Variants in PLCE1 observed in about 807,000 individuals in gnomAD.
PLCE1 encodes phospholipase C epsilon 1.
A neutral mutation model predicts 242.8 loss-of-function variants in PLCE1; 119 were observed. The ratio of observed to expected loss-of-function variants is 0.49; its 90% CI spans 0.42 to 0.57. PLCE1 has a LOEUF of 0.57. Among genes scored for constraint, PLCE1 ranks in the 20% least tolerant of loss-of-function variants. PLCE1 has a pLI of 0.00. For missense variants in PLCE1, 2,441 were observed against 2,788.8 expected (o/e 0.88, Z 2.81); for synonymous variants, 945 against 1,017.4 (o/e 0.93, Z 1.35).
intron 3 of PLCE1, chr10:94,155,631 G>GT (rs2047409294): frequency 6.6e-6 from 1 of 151,310 alleles, no homozygotes; most frequent in Non-Finnish European, 1.5e-5. Context: ...TTTTGTTCTT[G>GT]TTTTTTAAAA....
At chr10:94,201,520 G>A (rs2136772715) in intron 4 of PLCE1, among the ~76,000 whole-genome samples, 2 of 152,324 alleles carry the variant, frequency 1.3e-5, no homozygotes, top group Admixed American at 1.3e-4. Context: ...CTGTCACCCA[G>A]GCTGGAGTGC....
At chr10:94,131,670 A>T (rs1262550193) in intron 2 of PLCE1, among the ~76,000 whole-genome samples, 2 of 152,186 alleles carry the variant, frequency 1.3e-5, no homozygotes, top group Non-Finnish European at 2.9e-5. Context: ...TGACAGTTTG[A>T]AGGATTATGC....
chr10:94,262,511 G>A lies in PLCE1; in HGVS notation c.3832G>A (p.Val1278Ile), dbSNP rs754487813. 1.9e-6 allele frequency: 3 copies of A among 1,612,616 alleles called. No individual in the cohort carries two copies. The highest frequency in any genetic ancestry group is 2.5e-6 in the Non-Finnish European group (3 of 1,178,772). ...QPDLDLLTRN[V>I]SDLGLFIKSK... is the part of the protein sequence containing the mutation. ...TGTTTCAGATCTGTTGACCAGAAAT[G>A]TCTCGGATTTGGGGTTGTTCATTAA... Residue 1278 changes from valine to isoleucine, a missense_variant, in exon 14 of 33, where the codon GTC becomes ATC. Around this residue, in one of 5 missense-constraint regions of PLCE1, gnomAD observed 1,004 missense variants for 1,322.7 expected, o/e 0.76. Coordinates refer to ENST00000371380, the MANE Select transcript of PLCE1 (RefSeq NM_016341.4).
chr10:94,173,510 C>G (rs1445271833), intron 4 of PLCE1, among the ~76,000 whole-genome samples: 1 of 152,218 alleles, frequency 6.6e-6, no homozygotes, highest in East Asian at 1.9e-4. Context: ...TCTACCCACT[C>G]TCACATCCTT....
In PLCE1 at chr10:94,308,545, G is replaced by A. The variant is rs1208749931; in HGVS notation, c.5885-36G>A. 2.1e-6 allele frequency: 3 copies of A among 1,406,776 alleles called. No homozygotes were observed. The Admixed American group carries it at 5.0e-5, about 24-fold the overall frequency. The allele number at this position is 1,406,776 out of a possible 1,614,324, so 87.1% of individuals were successfully genotyped here. ...GGAGCATCTTCTTTTCAGTAGCCAT[G>A]GTTAACAAGCTTTTCCCAATTCTGT... On this transcript the variant is annotated intron_variant, in intron 26 of 32. Transcript: ENST00000371380.
At chr10:94,196,163 G>T (rs1273097338) in intron 4 of PLCE1, among the ~76,000 whole-genome samples, 1 of 152,174 alleles carries the variant, frequency 6.6e-6, no homozygotes, top group Non-Finnish European at 1.5e-5. Flanking sequence ...TGTATAAGGT[G>T]CATTGTAAGT....
intron 3 of PLCE1, among the ~76,000 whole-genome samples, chr10:94,154,520 A>G (rs1213320956): frequency 6.6e-6 from 1 of 152,250 alleles, no homozygotes; most frequent in African/African-American, 2.4e-5. Flanking sequence ...GTGAAAAGGC[A>G]ACCTACAGAA....
chr10:94,321,628 A>AG (rs748395924), intron 29 of PLCE1, among the ~76,000 whole-genome samples: 1 of 133,568 alleles, frequency 7.5e-6, no homozygotes, highest in African/African-American at 2.8e-5. Flanking sequence ...ACTCCATCTC[A>AG]GAAAAAAAAA....
chr10:94,047,515 G>A (rs1219093408), intron 2 of PLCE1, among the ~76,000 whole-genome samples: 1 of 152,128 alleles, frequency 6.6e-6, no homozygotes, highest in Admixed American at 6.5e-5. Context: ...AATTTAAAGG[G>A]ATATAATTGC....
At chr10:94,161,131 C>T (rs1046684880) in intron 3 of PLCE1, among the ~76,000 whole-genome samples, 3 of 152,010 alleles carry the variant, frequency 2.0e-5, no homozygotes, top group Non-Finnish European at 4.4e-5. Flanking sequence ...GTAGTTTTTT[C>T]CAATTCTGTG....
intron 2 of PLCE1, among the ~76,000 whole-genome samples, chr10:94,115,659 A>G (rs1296934500): frequency 6.6e-6 from 1 of 152,148 alleles, no homozygotes; most frequent in African/African-American, 2.4e-5. Context: ...AGTTCTGGAT[A>G]TTAGCCCTTT....
At chr10:94,206,056 A>T (rs186687785) in intron 4 of PLCE1, among the ~76,000 whole-genome samples, 122 of 152,340 alleles carry the variant, frequency 8.0e-4, no homozygotes, top group Admixed American at 2.2e-3. Flanking sequence ...ATACCCTATG[A>T]TAAGCGCCAG....
intron 28 of PLCE1, among the ~76,000 whole-genome samples, chr10:94,314,241 T>C (rs577984411): frequency 6.6e-6 from 1 of 152,314 alleles, no homozygotes; most frequent in East Asian, 1.9e-4. Flanking sequence ...AGAAGCGCTA[T>C]CCTTGCTTGG....
chr10:94,204,229 A>AT (rs2049071172), intron 4 of PLCE1, among the ~76,000 whole-genome samples: 1 of 152,234 alleles, frequency 6.6e-6, no homozygotes, highest in Non-Finnish European at 1.5e-5. Context: ...ATGATAGATT[A>AT]TATCATTCTC....
intron 4 of PLCE1, among the ~76,000 whole-genome samples, chr10:94,194,758 T>A (rs1238903871): frequency 1.3e-5 from 2 of 152,168 alleles, no homozygotes; most frequent in South Asian, 2.1e-4. Flanking sequence ...AAAAGAGAAT[T>A]TGAGGAAATG....
intron 24 of PLCE1, among the ~76,000 whole-genome samples, chr10:94,300,844 TC>T (rs1239535085): frequency 6.6e-6 from 1 of 152,090 alleles, no homozygotes. Context: ...GTGGATCACT[TC>T]CGGCCAGCAG....
intron 28 of PLCE1, among the ~76,000 whole-genome samples, chr10:94,316,039 G>A (rs1157973696): frequency 1.3e-5 from 2 of 152,136 alleles, no homozygotes; most frequent in East Asian, 3.9e-4. Context: ...AGGGTCAGCA[G>A]CCAACAAAGA....
intron 3 of PLCE1, among the ~76,000 whole-genome samples, chr10:94,164,146 C>T (rs914303562): frequency 5.9e-5 from 9 of 152,082 alleles, no homozygotes; most frequent in African/African-American, 1.4e-4. Context: ...TTGCTCTTCT[C>T]GAGGAGTATC....
rs1419672463 is a variant in PLCE1, at chr10:94,268,991, C to T, written c.4344C>T (p.Pro1448=). The change falls in exon 17 of 33, where the codon CCC becomes CCT. Residue 1448 remains proline, a synonymous_variant. Transcript: ENST00000371380. The part of the protein sequence containing the change: ...LDCWDGDDGM[P]IIYHGHTLTT... The stretch of plus-strand genomic sequence containing the variant: ...GCTGGGACGGAGACGATGGGATGCC[C>T]ATCATTTATCATGGACATACGCTGA... 2 of 1,611,446 alleles carry T rather than the reference C, an allele frequency of 1.2e-6. No homozygotes were observed. Among genetic ancestry groups the T allele is most frequent in the Admixed American group, 3.3e-5 (2 of 59,950 alleles).
Sources: allele counts gnomAD v4.1 joint callset (sites outside exome capture counted in the v4.1 genomes callset), GRCh38; gene constraint gnomAD v4.1.1; regional missense constraint gnomAD v4.1.1; transcripts MANE v1.5; gene names NCBI Gene and HGNC (gene_info 2026-07-23, HGNC 2026-07-21).